Variants in JAZF1 observed in about 807,000 individuals in gnomAD.
JAZF1 encodes the protein juxtaposed with another zinc finger protein 1.
A neutral mutation model predicts 26.4 loss-of-function variants in JAZF1; 8 were observed. The ratio of observed to expected loss-of-function variants is 0.30; its 90% CI spans 0.18 to 0.55. The LOEUF (loss-of-function observed/expected upper bound fraction) is 0.55. Among genes scored for constraint, JAZF1 ranks in the 20% least tolerant of loss-of-function variants. The pLI is 0.94. For missense variants in JAZF1, 199 were observed against 322.0 expected (o/e 0.62, Z 2.92); for synonymous variants, 126 against 122.3 (o/e 1.03, Z -0.20).
Position 28,167,209 on chromosome 7 carries a change from G to A in JAZF1, c.115+13254C>T, listed in dbSNP as rs140649005. Among the ~76,000 whole-genome samples, 254 of 152,258 alleles carry A rather than the reference G, an allele frequency of 1.7e-3. 1 individual carries two copies. The highest frequency in any genetic ancestry group is 5.7e-3 in the African/African-American group (237 of 41,548). ...GTTGGCCAAGGTCACGTAGCCTGTGGGATTCCAGGGTCATGCATAACCGCT... is the reference window on the plus strand; with the variant it reads ...GTTGGCCAAGGTCACGTAGCCTGTGAGATTCCAGGGTCATGCATAACCGCT... On this transcript the variant is annotated intron_variant, in intron 1 of 4. Transcript: ENST00000283928.
chr7:28,042,457 G>C (rs1783409370), intron 1 of JAZF1, among the ~76,000 whole-genome samples: 1 of 152,188 alleles, frequency 6.6e-6, no homozygotes, highest in Admixed American at 6.5e-5. Context: ...GCTGAAGAAT[G>C]GATGGGTTAA....
At chr7:27,976,450 C>T (rs1785474727) in intron 2 of JAZF1, among the ~76,000 whole-genome samples, 1 of 151,840 alleles carries the variant, frequency 6.6e-6, no homozygotes, top group Non-Finnish European at 1.5e-5. Flanking sequence ...AGGCAGCCAT[C>T]TCAGCTTTGT....
chr7:27,839,120 G>C (rs1370865852), intron 4 of JAZF1, among the ~76,000 whole-genome samples: 1 of 152,224 alleles, frequency 6.6e-6, no homozygotes, highest in Non-Finnish European at 1.5e-5. Flanking sequence ...TGGGAGAGAG[G>C]GGATGCCTCC....
At chr7:27,965,671 T>C (rs1785260306) in intron 2 of JAZF1, among the ~76,000 whole-genome samples, 1 of 152,236 alleles carries the variant, frequency 6.6e-6, no homozygotes, top group Admixed American at 6.5e-5. Context: ...CCTTGTATTT[T>C]ATAAATCTTC....
At chr7:27,864,533 A>G (rs1233905456) in intron 3 of JAZF1, among the ~76,000 whole-genome samples, 2 of 152,160 alleles carry the variant, frequency 1.3e-5, no homozygotes, top group African/African-American at 4.8e-5. Flanking sequence ...CCCCCCTAGC[A>G]GGAGTCCTCT....
chr7:28,001,565 G>A (rs1293202787), intron 1 of JAZF1, among the ~76,000 whole-genome samples: 1 of 152,174 alleles, frequency 6.6e-6, no homozygotes, highest in Non-Finnish European at 1.5e-5. Flanking sequence ...AGAAAATGAT[G>A]AGTCTGAATA....
At chr7:27,914,138 T>G (rs1311808965) in intron 2 of JAZF1, among the ~76,000 whole-genome samples, 1 of 152,158 alleles carries the variant, frequency 6.6e-6, no homozygotes, top group Non-Finnish European at 1.5e-5. Context: ...GTTTGCTATG[T>G]GGGTTGAAAA....
intron 1 of JAZF1, among the ~76,000 whole-genome samples, chr7:28,066,035 G>A (rs1481506075): frequency 6.6e-6 from 1 of 152,128 alleles, no homozygotes; most frequent in African/African-American, 2.4e-5. Flanking sequence ...GAACTCACTA[G>A]TGCTATCTCT....
In JAZF1 at chr7:28,026,051, A is replaced by G. The variant is rs968003874; in HGVS notation, c.116-34070T>C. Among the ~76,000 whole-genome samples the G allele has an allele frequency of 5.9e-5, 9 of 152,214 alleles. No homozygotes were observed. The East Asian group carries it at 1.3e-3, about 23-fold the overall frequency. Reference sequence around the variant, plus strand: ...ACAAATGTGTAATCCAGGTCTGGCCATGGCAAACCAACACTTATGGTCACC... The same window carrying G: ...ACAAATGTGTAATCCAGGTCTGGCCGTGGCAAACCAACACTTATGGTCACC... On this transcript the variant is annotated intron_variant, in intron 1 of 4. Transcript: ENST00000283928.
At chr7:27,903,656 G>A (rs542963918) in intron 2 of JAZF1, among the ~76,000 whole-genome samples, 77 of 152,280 alleles carry the variant, frequency 5.1e-4, no homozygotes, top group African/African-American at 1.7e-3. Flanking sequence ...CTTACTTCCT[G>A]GCCTTGATTT....
chr7:28,120,360 TGA>T (rs1360797865), intron 1 of JAZF1, among the ~76,000 whole-genome samples: 1 of 151,922 alleles, frequency 6.6e-6, no homozygotes, highest in Non-Finnish European at 1.5e-5. Context: ...TTGAGGAATC[TGA>T]GACACAGAGA....
chr7:27,868,393 C>T (rs1198914188), intron 3 of JAZF1, among the ~76,000 whole-genome samples: 1 of 152,202 alleles, frequency 6.6e-6, no homozygotes, highest in Non-Finnish European at 1.5e-5. Context: ...GGGTTGACTG[C>T]CGCTTGCTTC....
rs576417951 is a variant in JAZF1, at chr7:27,890,574, ATTC to A, written c.385+4643_385+4645del. Among the ~76,000 whole-genome samples the A allele has an allele frequency of 1.6e-3, 249 of 152,344 alleles. 1 individual carries two copies. Among genetic ancestry groups the A allele is most frequent in the African/African-American group, 5.6e-3 (234 of 41,576 alleles). ...AGTGTGGGTATACTGGAAAGAGCTT[ATTC>A]TTTGAATAGACAGACATGGATGTGT... On this transcript the variant is annotated intron_variant, in intron 3 of 4. Coordinates refer to ENST00000283928, the MANE Select transcript of JAZF1 (RefSeq NM_175061.4).
chr7:27,888,374 G>A lies in JAZF1; in HGVS notation c.385+6846C>T, dbSNP rs180676788. Among the ~76,000 whole-genome samples, 163 of 152,238 alleles carry A rather than the reference G, an allele frequency of 1.1e-3. 3 individuals carry two copies. In the East Asian group the frequency reaches 0.029, roughly 27 times the overall value. ...TCTTTTGCGTAGGTGGGAGATGTAT[G>A]TTAGTTTATACTTTATTTTGGTTAT... On this transcript the variant is annotated intron_variant, in intron 3 of 4. Coordinates refer to ENST00000283928, the MANE Select transcript of JAZF1 (RefSeq NM_175061.4).
chr7:28,093,387 T>G (rs1318453372), intron 1 of JAZF1, among the ~76,000 whole-genome samples: 1 of 152,210 alleles, frequency 6.6e-6, no homozygotes, highest in Non-Finnish European at 1.5e-5. Flanking sequence ...ACCATGATTG[T>G]GAGGCCTCCC....
intron 1 of JAZF1, among the ~76,000 whole-genome samples, chr7:28,168,380 CAAAAAAAAA>C: frequency 1.4e-5 from 1 of 71,146 alleles, no homozygotes; most frequent in East Asian, 4.6e-4. Flanking sequence ...GACTCCGTCT[CAAAAAAAAA>C]AAAAAAAAAA....
rs576311742 is a variant in JAZF1 at position 28,078,148 on chromosome 7, C to A, written c.116-86167G>T. On this transcript the variant is annotated intron_variant, in intron 1 of 4. Transcript: ENST00000283928. ...AGAACAGATGTTTCCTAGGTTTGTACAGCCTCTCAACTGTACATTAGGAAG... is the reference window on the plus strand; with the variant it reads ...AGAACAGATGTTTCCTAGGTTTGTAAAGCCTCTCAACTGTACATTAGGAAG... Among the ~76,000 whole-genome samples the A allele has an allele frequency of 2.6e-4, 39 of 152,266 alleles. 1 individual carries two copies. The highest frequency in any genetic ancestry group is 8.4e-4 in the African/African-American group (35 of 41,566).
chr7:28,136,568 T>A (rs529716702), intron 1 of JAZF1, among the ~76,000 whole-genome samples: 41 of 152,382 alleles, frequency 2.7e-4, no homozygotes, highest in African/African-American at 9.6e-4. Flanking sequence ...CTGAGTTGAA[T>A]GTGTGGTATG....
rs188309915 is a variant in JAZF1 at position 27,923,574 on chromosome 7, T to C, written c.189-28158A>G. ...GAACTGCACACTTCCCAGCAGATGT[T>C]GGGCTGCCAACGGATGGGAGCATGG... On this transcript the variant is annotated intron_variant, in intron 2 of 4. Coordinates refer to ENST00000283928, the MANE Select transcript of JAZF1 (RefSeq NM_175061.4). 1.2e-3 allele frequency among the ~76,000 whole-genome samples: 189 copies of C among 152,340 alleles called. 2 individuals are homozygous for C. Among genetic ancestry groups the C allele is most frequent in the South Asian group, 4.1e-3 (20 of 4,828 alleles).
Sources: gnomAD v4.1 joint callset for allele counts (sites outside exome capture counted in the v4.1 genomes callset) on GRCh38, gnomAD v4.1.1 for gene constraint, MANE v1.5 for transcripts, NCBI Gene and HGNC (gene_info 2026-07-23, HGNC 2026-07-21) for gene names.